TINAG: variants seen among roughly 807,000 people sequenced by gnomAD.
TINAG encodes tubulointerstitial nephritis antigen.
In TINAG, 83 loss-of-function variants were observed where a neutral mutation model predicts 72.7. The observed-to-expected ratio is 1.14, with a 90% CI of 0.96 to 1.37. The LOEUF (loss-of-function observed/expected upper bound fraction) is 1.37, where lower values mean the gene tolerates loss of function less well. TINAG is among the 40% of genes most tolerant of loss of function. The pLI, the probability that TINAG is intolerant of heterozygous loss-of-function variation, is 0.00. For missense variants in TINAG, 685 were observed against 576.6 expected (o/e 1.19, Z -1.93); for synonymous variants, 234 against 189.9 (o/e 1.23, Z -1.91).
Position 54,347,500 on chromosome 6 carries a change from G to T in TINAG, c.882G>T (p.Trp294Cys), listed in dbSNP as rs1426870047. Reference sequence around the variant, plus strand: ...GTGGAAGCATCGATAGGGCTTGGTGGTACCTGAGAAAACGTGGGTAAATAG... The same window carrying T: ...GTGGAAGCATCGATAGGGCTTGGTGTTACCTGAGAAAACGTGGGTAAATAG... The part of the protein sequence containing the change: ...CNSGSIDRAW[W>C]YLRKRGLVSH... Residue 294 changes from tryptophan (W) to cysteine (C), a missense_variant, in exon 6 of 11, where the codon TGG becomes TGT. Coordinates refer to ENST00000259782, the MANE Select transcript of TINAG (RefSeq NM_014464.4). 1 of 1,612,426 alleles carries T rather than the reference G, an allele frequency of 6.2e-7. No individual in the cohort carries two copies. Among genetic ancestry groups the T allele is most frequent in the Admixed American group, 1.7e-5 (1 of 59,832 alleles).
chr6:54,339,909 A>T (rs780360181), intron 4 of TINAG, among the ~76,000 whole-genome samples: 1 of 152,174 alleles, frequency 6.6e-6, no homozygotes, highest in Non-Finnish European at 1.5e-5. Context: ...AACTGAAAAT[A>T]TAGGGCTGAT....
At chr6:54,340,002 A>G (rs1028434538) in intron 4 of TINAG, among the ~76,000 whole-genome samples, 1 of 152,206 alleles carries the variant, frequency 6.6e-6, no homozygotes, top group Non-Finnish European at 1.5e-5. Context: ...AAAATTGATC[A>G]ATTTATCTCA....
At chr6:54,358,073 A>G (rs1582737501) in intron 9 of TINAG, among the ~76,000 whole-genome samples, 1 of 151,632 alleles carries the variant, frequency 6.6e-6, no homozygotes, top group Non-Finnish European at 1.5e-5. Context: ...CATGTACCCC[A>G]GTGCCTTTCC....
chr6:54,375,349 C>T (rs1038743363), intron 9 of TINAG, among the ~76,000 whole-genome samples: 4 of 152,078 alleles, frequency 2.6e-5, no homozygotes, highest in African/African-American at 7.2e-5. Flanking sequence ...ATGTGTAGAG[C>T]CATATCAGTA....
intron 9 of TINAG, among the ~76,000 whole-genome samples, chr6:54,378,330 G>T (rs1684698076): frequency 1.3e-5 from 2 of 152,188 alleles, no homozygotes; most frequent in Non-Finnish European, 2.9e-5. Flanking sequence ...TTGGATAATT[G>T]GTTTGGCTGC....
intron 9 of TINAG, among the ~76,000 whole-genome samples, chr6:54,379,591 T>C (rs929872570): frequency 6.6e-6 from 1 of 152,034 alleles, no homozygotes; most frequent in Non-Finnish European, 1.5e-5. Context: ...ATTATCTGTG[T>C]TTTCATTATG....
chr6:54,386,088 G>A (rs1003882400), intron 10 of TINAG, among the ~76,000 whole-genome samples: 3 of 151,674 alleles, frequency 2.0e-5, no homozygotes, highest in Admixed American at 6.6e-5. Flanking sequence ...GACGGGTTTC[G>A]CCATGTCGCC....
chr6:54,347,348 G>C lies in TINAG; in HGVS notation c.749-19G>C, dbSNP rs374752773. 4.3e-6 allele frequency: 7 copies of C among 1,610,156 alleles called. No individual in the cohort carries two copies. In the African/African-American group the frequency reaches 9.4e-5, roughly 22 times the overall value. ...ACCGTGTATCATTTCAATATTAATTGATATTCTATTTGAAACAGGTGTGGC... is the reference window on the plus strand; with the variant it reads ...ACCGTGTATCATTTCAATATTAATTCATATTCTATTTGAAACAGGTGTGGC... On this transcript the variant is annotated intron_variant, in intron 5 of 10. Transcript: ENST00000259782.
chr6:54,350,754 C>T (rs1307730068), intron 7 of TINAG, among the ~76,000 whole-genome samples: 1 of 150,526 alleles, frequency 6.6e-6, no homozygotes, highest in Non-Finnish European at 1.5e-5. Context: ...TTTTTGTTTG[C>T]AAACGTAACA....
intron 9 of TINAG, 34 bp downstream of exon 9, chr6:54,354,670 T>C (rs1444664090): frequency 1.3e-6 from 2 of 1,594,838 alleles, no homozygotes; most frequent in Non-Finnish European, 1.7e-6. Flanking sequence ...TTTAATTCTT[T>C]TGGAAAATGA....
At chr6:54,357,734 T>G (rs1286756423) in intron 9 of TINAG, among the ~76,000 whole-genome samples, 1 of 151,918 alleles carries the variant, frequency 6.6e-6, no homozygotes, top group Non-Finnish European at 1.5e-5. Context: ...AAGCCACCAT[T>G]GCCTGTTATT....
intron 5 of TINAG, among the ~76,000 whole-genome samples, chr6:54,346,912 G>T (rs1353501959): frequency 6.6e-6 from 1 of 152,006 alleles, no homozygotes; most frequent in Non-Finnish European, 1.5e-5. Flanking sequence ...AATTTCCAAT[G>T]AATATTTCTA....
At chr6:54,346,263 C>T (rs1407696257) in intron 5 of TINAG, among the ~76,000 whole-genome samples, 1 of 151,964 alleles carries the variant, frequency 6.6e-6, no homozygotes, top group Admixed American at 6.6e-5. Context: ...TCCCTTGTTT[C>T]TTGTTCATCA....
At chr6:54,324,616 T>TCACC (rs1422291159) in intron 3 of TINAG, among the ~76,000 whole-genome samples, 2 of 152,212 alleles carry the variant, frequency 1.3e-5, no homozygotes, top group African/African-American at 2.4e-5. Flanking sequence ...CAAAACCAGC[T>TCACC]CACCCCAAAC....
chr6:54,310,767 CTT>C (rs1418329630), intron 1 of TINAG, among the ~76,000 whole-genome samples: 4 of 138,434 alleles, frequency 2.9e-5, no homozygotes, highest in Admixed American at 7.5e-5. Context: ...TTTTCTCTCT[CTT>C]TCTCTCCCTT....
intron 9 of TINAG, among the ~76,000 whole-genome samples, chr6:54,358,534 CAAAA>C (rs34091915): frequency 2.7e-5 from 3 of 112,936 alleles, no homozygotes; most frequent in Admixed American, 9.7e-5. Context: ...AGTTATTCGT[CAAAA>C]AAAAAAAAAA....
chr6:54,311,219 G>A (rs958669216), intron 1 of TINAG, among the ~76,000 whole-genome samples: 3 of 152,040 alleles, frequency 2.0e-5, no homozygotes, highest in African/African-American at 7.2e-5. Context: ...CCATGTCTCC[G>A]TGGACTAGTA....
At chr6:54,334,316 G>C (rs1214921172) in intron 4 of TINAG, among the ~76,000 whole-genome samples, 1 of 152,188 alleles carries the variant, frequency 6.6e-6, no homozygotes, top group East Asian at 1.9e-4. Context: ...TAGCAGGCAA[G>C]ATTATTGTTT....
At chr6:54,374,937 A>C (rs1312966087) in intron 9 of TINAG, among the ~76,000 whole-genome samples, 1 of 151,946 alleles carries the variant, frequency 6.6e-6, no homozygotes, top group African/African-American at 2.4e-5. Flanking sequence ...TATATTCACT[A>C]ATACAGAGTT....
Sources: gnomAD v4.1 joint callset for allele counts (sites outside exome capture counted in the v4.1 genomes callset) on GRCh38, gnomAD v4.1.1 for gene constraint, MANE v1.5 for transcripts, NCBI Gene and HGNC (gene_info 2026-07-23, HGNC 2026-07-21) for gene names.